The following SENP7 variants were observed in gnomAD, a reference collection of about 807,000 sequenced individuals.
The protein encoded by SENP7 is sentrin-specific protease 7.
SENP7 carries 64 observed loss-of-function variants against 141.2 expected under a neutral mutation model. The ratio of observed to expected loss-of-function variants is 0.45; its 90% confidence interval spans 0.37 to 0.56. The LOEUF is 0.56. SENP7 is among the 20% of genes least tolerant of loss of function. SENP7 has a pLI of 0.00. For synonymous variants in SENP7, 382 were observed against 426.4 expected, an observed-to-expected ratio of 0.90 and a Z score of 1.28; for missense variants, 1,025 against 1,212.2, an observed-to-expected ratio of 0.85 and a Z score of 2.29.
chr3:101,380,901 T>C (rs2060484168), intron 6 of SENP7, among the ~76,000 whole-genome samples: 1 of 152,152 alleles, frequency 6.6e-6, no homozygotes, highest in Non-Finnish European at 1.5e-5. Flanking sequence ...GGTAGATCTA[T>C]TTTTAATATT....
At chr3:101,493,477 G>C (rs2065039825) in intron 3 of SENP7, among the ~76,000 whole-genome samples, 1 of 152,066 alleles carries the variant, frequency 6.6e-6, no homozygotes, top group Non-Finnish European at 1.5e-5. Flanking sequence ...ATGAGATAAA[G>C]TCCAGATTTA....
At chr3:101,408,660 A>T (rs2061371966) in intron 5 of SENP7, among the ~76,000 whole-genome samples, 1 of 152,226 alleles carries the variant, frequency 6.6e-6, no homozygotes, top group Non-Finnish European at 1.5e-5. Flanking sequence ...CACACCACAT[A>T]AACAGAATTA....
At chr3:101,388,647 A>T (rs1209834196) in intron 6 of SENP7, among the ~76,000 whole-genome samples, 2 of 152,232 alleles carry the variant, frequency 1.3e-5, no homozygotes, top group Non-Finnish European at 2.9e-5. Context: ...TATTTCAATG[A>T]AAAGGAAATC....
chr3:101,484,869 A>G (rs966502804), intron 3 of SENP7, among the ~76,000 whole-genome samples: 3 of 152,118 alleles, frequency 2.0e-5, no homozygotes, highest in Non-Finnish European at 4.4e-5. Flanking sequence ...ACGGGGTGAG[A>G]AGCCCATTCA....
At chr3:101,333,186 T>C in intron 17 of SENP7, 1 of 261,154 alleles carries the variant, frequency 3.8e-6, no homozygotes, top group African/African-American at 2.2e-5. Context: ...GGGCATGATA[T>C]AAAATACTGT....
At chr3:101,358,539 G>A (rs2059805637) in intron 11 of SENP7, 1 of 259,660 alleles carries the variant, frequency 3.9e-6, no homozygotes, top group South Asian at 4.7e-5. Flanking sequence ...GCTTTTTAAG[G>A]AAGTTCTCAA....
intron 11 of SENP7, among the ~76,000 whole-genome samples, chr3:101,355,689 T>A (rs1203894182): frequency 6.6e-6 from 1 of 152,218 alleles, no homozygotes; most frequent in African/African-American, 2.4e-5. Flanking sequence ...GCCTTGGCAA[T>A]CAGGCCTCTT....
chr3:101,463,364 A>AATAAATATATATAT (rs1553744606), intron 3 of SENP7, among the ~76,000 whole-genome samples: 5 of 89,246 alleles, frequency 5.6e-5, no homozygotes, highest in Admixed American at 1.4e-4. Flanking sequence ...TAAATAAATA[A>AATAAATATATATAT]ATATATATAT....
rs369572544 is a variant in SENP7 at position 101,352,086 on chromosome 3, A to T, written c.1624-435T>A. ...TGATGAACTCACACTAACCAAACTCACAAGAAACTGCTAAACAAACCAAAA... is the reference window on the plus strand; with the variant it reads ...TGATGAACTCACACTAACCAAACTCTCAAGAAACTGCTAAACAAACCAAAA... On this transcript the variant is annotated intron_variant, in intron 11 of 23. Coordinates refer to ENST00000394095, the MANE Select transcript of SENP7 (RefSeq NM_020654.5). 1.7e-3 allele frequency among the ~76,000 whole-genome samples: 251 copies of T among 152,088 alleles called. 6 individuals are homozygous for T. The South Asian group carries it at 0.024, about 14-fold the overall frequency.
intron 20 of SENP7, among the ~76,000 whole-genome samples, chr3:101,329,775 TA>T (rs762298259): frequency 0.16 from 15,858 of 100,454 alleles, 841 homozygotes; most frequent in South Asian, 0.2. Flanking sequence ...CCATCTCTAC[TA>T]AAAAAAAAAA....
intron 4 of SENP7, among the ~76,000 whole-genome samples, chr3:101,427,404 T>C (rs2061997766): frequency 6.6e-6 from 1 of 150,442 alleles, no homozygotes; most frequent in African/African-American, 2.5e-5. Flanking sequence ...GCACGAGAAT[T>C]GCTTAAACCC....
chr3:101,473,850 G>A (rs2064110501), intron 3 of SENP7, among the ~76,000 whole-genome samples: 1 of 152,150 alleles, frequency 6.6e-6, no homozygotes, highest in Non-Finnish European at 1.5e-5. Context: ...CTGTCTTCCA[G>A]AGTTTTCAGT....
rs766150711 is a variant in SENP7 at position 101,417,714 on chromosome 3, C to T, written c.361G>A (p.Asp121Asn). ...RKFRKTLPRN[D>N]ANLCDANKVQ... is the part of the protein sequence containing the mutation. ...TTGTTGGCATCACATAAATTAGCAT[C>T]GTTTCTAGGTAGGGTCTTTCTGAAT... The change falls in exon 5 of 24, where the codon GAT becomes AAT. Residue 121 changes from aspartate to asparagine, a missense_variant. By Grantham distance (23) the Asp-to-Asn change is conservative. Coordinates refer to ENST00000394095, the MANE Select transcript of SENP7 (RefSeq NM_020654.5). 2.5e-6 allele frequency: 4 copies of T among 1,613,942 alleles called. No homozygotes were observed. Among genetic ancestry groups the T allele is most frequent in the Non-Finnish European group, 3.4e-6 (4 of 1,179,842 alleles).
chr3:101,365,195 G>T (rs977266957), intron 9 of SENP7, among the ~76,000 whole-genome samples: 1 of 151,596 alleles, frequency 6.6e-6, no homozygotes, highest in African/African-American at 2.4e-5. Flanking sequence ...TAGAGACAGG[G>T]TTTCACCATG....
At chr3:101,375,388 C>T (rs2060293656) in intron 6 of SENP7, among the ~76,000 whole-genome samples, 1 of 151,564 alleles carries the variant, frequency 6.6e-6, no homozygotes, top group Non-Finnish European at 1.5e-5. Flanking sequence ...ACTACTAATA[C>T]AAAAATTAGC....
At chr3:101,443,659 C>A (rs2062769978) in intron 4 of SENP7, among the ~76,000 whole-genome samples, 1 of 150,150 alleles carries the variant, frequency 6.7e-6, no homozygotes, top group South Asian at 2.1e-4. Flanking sequence ...TTGAAGAGGT[C>A]CTTCACATCA....
In SENP7 at chr3:101,463,400, T is replaced by TATATATATATATACAC. The variant is rs1553744824; in HGVS notation, c.187-4349_187-4348insGTGTATATATATATAT. Among the ~76,000 whole-genome samples, 349 of 77,892 alleles carry TATATATATATATACAC rather than the reference T, an allele frequency of 4.5e-3. 4 individuals carry two copies. The highest frequency in any genetic ancestry group is 0.011 in the East Asian group (29 of 2,522). 51.1% of individuals were successfully genotyped at this position (77,892 alleles called of 152,430 possible). On this transcript the variant is annotated intron_variant, in intron 3 of 23. Transcript: ENST00000394095. The stretch of plus-strand genomic sequence containing the variant: ...ATATATATATATATATATATATACA[T>TATATATATATATACAC]ATATATATATATATATACACACACA...
At chr3:101,331,483 A>AC (rs1172386408) in intron 19 of SENP7, among the ~76,000 whole-genome samples, 1 of 151,424 alleles carries the variant, frequency 6.6e-6, no homozygotes, top group Non-Finnish European at 1.5e-5. Context: ...AAAAAAAAAA[A>AC]AAGTATGTTG....
At chr3:101,500,986 A>T (rs1418387748) in intron 2 of SENP7, 84 bp downstream of exon 2, 7 of 945,864 alleles carry the variant, frequency 7.4e-6, no homozygotes, top group Non-Finnish European at 1.1e-5. Context: ...TTTCTTTAAA[A>T]TGTTATTAAA....
Sources: allele counts gnomAD v4.1 joint callset (sites outside exome capture counted in the v4.1 genomes callset), GRCh38; gene constraint gnomAD v4.1.1; transcripts MANE v1.5; gene names NCBI Gene and HGNC (gene_info 2026-07-23, HGNC 2026-07-21).